The following NEIL1 variants were observed in gnomAD, a reference collection of about 807,000 sequenced individuals.
NEIL1 encodes endonuclease 8-like 1.
A neutral mutation model predicts 44.2 loss-of-function variants in NEIL1; 31 were observed. That is an observed-to-expected ratio of 0.70 (90% CI 0.53 to 0.95). NEIL1 has a LOEUF of 0.95. Among genes scored for constraint, NEIL1 ranks in the 40% least tolerant of loss-of-function variants. The pLI is 0.00. For synonymous variants in NEIL1, 254 were observed against 209.7 expected (o/e 1.21, Z -1.83); for missense variants, 549 against 515.5 (o/e 1.07, Z -0.63).
Position 75,355,463 on chromosome 15 carries a change from C to T in NEIL1, c.*429C>T, listed in dbSNP as rs1330926125. 2 of 226,688 alleles carry T rather than the reference C, an allele frequency of 8.8e-6. No homozygotes were observed. Among genetic ancestry groups the T allele is most frequent in the African/African-American group, 2.4e-5 (1 of 40,988 alleles). 14.0% of individuals were successfully genotyped at this position (226,688 alleles called of 1,614,324 possible). A position where few individuals can be genotyped will look rare whatever the true frequency, so the allele number is the denominator to read the frequency against. ...AGGCAGCCCAGGAGCCAGAGCTCCT[C>T]CAGTCCAGATTCTCCAGGGTCCAGG... is the stretch of plus-strand genomic sequence containing the variant. On this transcript the variant is annotated 3_prime_UTR_variant, in exon 10 of 10. Coordinates refer to ENST00000355059, the MANE Select transcript of NEIL1 (RefSeq NM_024608.4).
Position 75,355,742 on chromosome 15 carries a change from A to ACCCCCC in NEIL1, c.*713_*714insCCCCCC. The ACCCCCC allele has an allele frequency of 8.8e-6, 3 of 339,924 alleles. No homozygotes were observed. Among genetic ancestry groups the ACCCCCC allele is most frequent in the South Asian group, 2.9e-5 (1 of 34,814 alleles). The allele number at this position is 339,924 out of a possible 1,614,324, so 21.1% of individuals were successfully genotyped here. A position where few individuals can be genotyped will look rare whatever the true frequency, so the allele number is the denominator to read the frequency against. On this transcript the variant is annotated 3_prime_UTR_variant, in exon 10 of 10. Coordinates refer to ENST00000355059, the MANE Select transcript of NEIL1 (RefSeq NM_024608.4). The stretch of plus-strand genomic sequence containing the variant: ...GAAGCCATCCCACCCCAGACTTCCC[A>ACCCCCC]CCCCCACCCCAAGCGTGAGGATGGG...
intron 8 of NEIL1, 57 bp downstream of exon 8, chr15:75,354,549 C>T (rs2072199860): frequency 1.2e-6 from 2 of 1,612,262 alleles, no homozygotes; most frequent in African/African-American, 2.7e-5. Context: ...GCTGCCCCTC[C>T]CAGGCAGCTG....
Position 75,354,742 on chromosome 15 carries a change from G to C in NEIL1, c.1026G>C (p.Gly342=), listed in dbSNP as rs763340460. Residue 342 remains glycine (G), a synonymous_variant, in exon 9 of 10, where the codon GGG becomes GGC. Coordinates refer to ENST00000355059, the MANE Select transcript of NEIL1 (RefSeq NM_024608.4). ...GGACTGCAACCCAGCGGCCTGAGGG[G>C]ACCAGCCTCCAGCAGGACCCAGAAG... The part of the protein sequence containing the change: ...PKRTATQRPE[G]TSLQQDPEAP... 1 of 1,614,118 alleles carries C rather than the reference G, an allele frequency of 6.2e-7. No homozygotes were observed. Among genetic ancestry groups the C allele is most frequent in the Non-Finnish European group, 8.5e-7 (1 of 1,180,032 alleles).
intron 1 of NEIL1, chr15:75,348,281 G>A (rs2071600878): frequency 1.0e-6 from 1 of 974,286 alleles, no homozygotes. Context: ...CGGCCGATTC[G>A]GCCGCTCCCG....
chr15:75,354,356 C>T, intron 7 of NEIL1, 75 bp from the exon 8 acceptor site: 1 of 1,611,118 alleles, frequency 6.2e-7, no homozygotes, highest in Non-Finnish European at 8.5e-7. Context: ...CCTTCTCCAC[C>T]CTATCCCCCT....
chr15:75,352,486 A>G, intron 4 of NEIL1, 99 bp downstream of exon 4: 2 of 1,560,070 alleles, frequency 1.3e-6, no homozygotes, highest in Middle Eastern at 2.1e-4. Flanking sequence ...GCTTAGCTCA[A>G]CAACAGGGGT....
rs1052714306 is a variant in NEIL1, at chr15:75,347,857, C to G, written c.-23+384C>G. 3.6e-5 allele frequency: 43 copies of G among 1,191,764 alleles called. No individual in the cohort carries two copies. In the Admixed American group the frequency reaches 1.3e-3, roughly 35 times the overall value. 73.8% of individuals were successfully genotyped at this position (1,191,764 alleles called of 1,614,324 possible). A position where few individuals can be genotyped will look rare whatever the true frequency, so the allele number is the denominator to read the frequency against. On this transcript the variant is annotated intron_variant, in intron 1 of 9. Transcript: ENST00000355059. Reference sequence around the variant, plus strand: ...TAGGATTTGGAGCCTCACGTTCTCCCGCAAAACGAGCCCTGTGGGTGCCAG... The same window carrying G: ...TAGGATTTGGAGCCTCACGTTCTCCGGCAAAACGAGCCCTGTGGGTGCCAG...
intron 2 of NEIL1, chr15:75,349,743 G>C (rs1218427349): frequency 1.4e-5 from 3 of 211,006 alleles, no homozygotes; most frequent in African/African-American, 6.9e-5. Context: ...GAGCCGGTGA[G>C]GCCGGGGTTG....
rs56136645 is a variant in NEIL1, at chr15:75,352,330, G to A, written c.561G>A (p.Lys187=). 6.2e-7 allele frequency: 1 copy of A among 1,614,162 alleles called. No homozygotes were observed. Among genetic ancestry groups the A allele is most frequent in the Non-Finnish European group, 8.5e-7 (1 of 1,180,030 alleles). The change falls in exon 4 of 10, where the codon AAG becomes AAA. Residue 187 remains lysine (K), a synonymous_variant. Transcript: ENST00000355059. ...YLRAEILYRL[K]IPPFEKARSV... ...TGCCTTGCCCCCACTACAGGCTGAA[G>A]ATCCCCCCCTTTGAGAAGGCCCGCT...
Position 75,352,347 on chromosome 15 carries a change from A to T in NEIL1, c.578A>T (p.Lys193Met). 1.2e-6 allele frequency: 2 copies of T among 1,614,080 alleles called. No individual in the cohort carries two copies. Among genetic ancestry groups the T allele is most frequent in the Non-Finnish European group, 1.7e-6 (2 of 1,180,008 alleles). Reference sequence around the variant, plus strand: ...AGGCTGAAGATCCCCCCCTTTGAGAAGGCCCGCTCGGTCCTGGAGGCCCTG... The same window carrying T: ...AGGCTGAAGATCCCCCCCTTTGAGATGGCCCGCTCGGTCCTGGAGGCCCTG... Reference protein sequence around the residue: ...LYRLKIPPFEKARSVLEALQQ... With the variant: ...LYRLKIPPFEMARSVLEALQQ... Residue 193 changes from lysine to methionine, a missense_variant, in exon 4 of 10, where the codon AAG becomes ATG. Coordinates refer to ENST00000355059, the MANE Select transcript of NEIL1 (RefSeq NM_024608.4).
Position 75,352,131 on chromosome 15 carries a change from T to G in NEIL1, c.455T>G (p.Leu152Arg), listed in dbSNP as rs199897102. 1.2e-6 allele frequency: 2 copies of G among 1,614,048 alleles called. No homozygotes were observed. Among genetic ancestry groups the G allele is most frequent in the African/African-American group, 2.7e-5 (2 of 74,910 alleles). ...QQFRENVLRNLADKAFDRPIC... is the reference protein window; with the variant it reads ...QQFRENVLRNRADKAFDRPIC... Reference sequence around the variant, plus strand: ...TCCAGGGAGAATGTGCTACGAAACCTAGCGGATAAGGCCTTTGACCGGCCC... The same window carrying G: ...TCCAGGGAGAATGTGCTACGAAACCGAGCGGATAAGGCCTTTGACCGGCCC... Residue 152 changes from leucine (L) to arginine (R), a missense_variant, in exon 3 of 10, where the codon CTA (leucine) becomes CGA (arginine). Physicochemically the swap from Leu to Arg is moderately radical, Grantham distance 102. Coordinates refer to ENST00000355059, the MANE Select transcript of NEIL1 (RefSeq NM_024608.4).
chr15:75,353,574 T>C, intron 5 of NEIL1, 165 bp from the exon 6 acceptor site: 2 of 804,748 alleles, frequency 2.5e-6, no homozygotes, highest in South Asian at 2.7e-5. Context: ...CATGGCCGAG[T>C]GGGAAGAAAC....
rs2072295437 is a variant in NEIL1 at position 75,356,311 on chromosome 15, G to A, written c.*1277G>A. On this transcript the variant is annotated 3_prime_UTR_variant, in exon 10 of 10. Coordinates refer to ENST00000355059, the MANE Select transcript of NEIL1 (RefSeq NM_024608.4). The surrounding 1 kb of genome is among the most constrained non-coding windows in gnomAD (Gnocchi z 5.8). ...CGTCCCACCCCTTGCCTGCTTGACG[G>A]TCTCCAATACGACCGCGGGTGAAGA... 3 of 1,611,696 alleles carry A rather than the reference G, an allele frequency of 1.9e-6. No individual in the cohort carries two copies. The highest frequency in any genetic ancestry group is 2.5e-6 in the Non-Finnish European group (3 of 1,179,316).
intron 1 of NEIL1, chr15:75,347,784 C>G: frequency 2.7e-6 from 3 of 1,112,736 alleles, no homozygotes; most frequent in Non-Finnish European, 3.4e-6. Context: ...AGGGTCGCAG[C>G]GGGGGCATGG....
At position 75,355,276 on chromosome 15, in the gene NEIL1, C is replaced by G. The variant is rs1385772231; in HGVS notation, c.*242C>G. The G allele has an allele frequency of 6.1e-6, 3 of 490,128 alleles. No individual in the cohort carries two copies. Among genetic ancestry groups the G allele is most frequent in the Non-Finnish European group, 1.1e-5 (3 of 272,954 alleles). The allele number at this position is 490,128 out of a possible 1,614,324, so 30.4% of individuals were successfully genotyped here. A position where few individuals can be genotyped will look rare whatever the true frequency, so the allele number is the denominator to read the frequency against. Reference sequence around the variant, plus strand: ...CTTGGCACCTCTTGGTCTGAGATGGCCAGGTAGGAAGGGCCTGCTGTCCGG... The same window carrying G: ...CTTGGCACCTCTTGGTCTGAGATGGGCAGGTAGGAAGGGCCTGCTGTCCGG... On this transcript the variant is annotated 3_prime_UTR_variant, in exon 10 of 10. Coordinates refer to ENST00000355059, the MANE Select transcript of NEIL1 (RefSeq NM_024608.4).
At chr15:75,351,843 A>C in intron 2 of NEIL1, 1 of 379,194 alleles carries the variant, frequency 2.6e-6, no homozygotes, top group South Asian at 2.3e-5. Context: ...GCTGGTCTCG[A>C]CCTCCTGACC....
In NEIL1 at chr15:75,356,873, T is replaced by C. The variant is rs747693816; in HGVS notation, c.*1839T>C. On this transcript the variant is annotated 3_prime_UTR_variant, in exon 10 of 10. Transcript: ENST00000355059. This position sits in a 1 kb window ranked among gnomAD's most constrained non-coding sequence, Gnocchi z 5.8. ...GCAGGGCCAGCCCAAAGCCGTGTTC[T>C]GACAGATCCATCCAGCGATGGGCCC... 5.0e-6 allele frequency: 8 copies of C among 1,614,020 alleles called. No homozygotes were observed. The South Asian group carries it at 7.7e-5, about 16-fold the overall frequency.
chr15:75,356,722 C>T lies in NEIL1; in HGVS notation c.*1688C>T, dbSNP rs779594132. On this transcript the variant is annotated 3_prime_UTR_variant, in exon 10 of 10. Coordinates refer to ENST00000355059, the MANE Select transcript of NEIL1 (RefSeq NM_024608.4). The surrounding 1 kb of genome is among the most constrained non-coding windows in gnomAD (Gnocchi z 5.8). ...AGGGCGCGTAGGGGCCACGCTGAAG[C>T]TGTTGGAGTTGTGGTCGGGAAGACC... 1 of 1,612,246 alleles carries T rather than the reference C, an allele frequency of 6.2e-7. No individual in the cohort carries two copies. The highest frequency in any genetic ancestry group is 8.5e-7 in the Non-Finnish European group (1 of 1,178,976).
At chr15:75,348,345 A>G (rs2071605974) in intron 1 of NEIL1, 2 of 985,822 alleles carry the variant, frequency 2.0e-6, no homozygotes, top group Non-Finnish European at 2.4e-6. Context: ...GTGAGCGGCC[A>G]GATCCAGGCG....
Sources: allele counts gnomAD v4.1 joint callset, GRCh38; gene constraint gnomAD v4.1.1; non-coding constraint Gnocchi (gnomAD v3.1); transcripts MANE v1.5; gene names NCBI Gene and HGNC (gene_info 2026-07-23, HGNC 2026-07-21).